Variants in SCP2D1 observed in about 807,000 individuals in gnomAD.
SCP2D1 encodes SCP2 sterol-binding domain-containing protein 1.
Under a neutral mutation model 9.2 loss-of-function variants are expected in SCP2D1, and 8 were observed. The ratio of observed to expected loss-of-function variants is 0.87; its 90% confidence interval spans 0.51 to 1.57. The LOEUF (loss-of-function observed/expected upper bound fraction) is 1.57, where lower values mean the gene tolerates loss of function less well. SCP2D1 is among the 40% of genes most tolerant of loss of function. SCP2D1 has a pLI of 0.00. For synonymous variants in SCP2D1, 68 were observed against 70.2 expected (o/e 0.97, Z 0.16); for missense variants, 199 against 186.9 (o/e 1.06, Z -0.38).
Position 18,814,212 on chromosome 20 carries a change from A to G in SCP2D1, c.397A>G (p.Lys133Glu). The G allele has an allele frequency of 1.2e-6, 2 of 1,614,146 alleles. No individual in the cohort carries two copies. The highest frequency in any genetic ancestry group is 1.7e-6 in the Non-Finnish European group (2 of 1,180,022). ...CCCGCAGAAGGCTTTCCTTGCCGGA[A>G]AGTTCAAAGTGAGTGGCAAGGTTCT... ...MNPQKAFLAGKFKVSGKVLLS... is the reference protein window; with the variant it reads ...MNPQKAFLAGEFKVSGKVLLS... The change falls in exon 1 of 1, where the codon AAG becomes GAG. Residue 133 changes from lysine (K) to glutamate (E), a missense_variant. Transcript: ENST00000377428.
Position 18,813,795 on chromosome 20 carries a change from C to T in SCP2D1, c.-21C>T. 6.3e-7 allele frequency: 1 copy of T among 1,591,434 alleles called. No individual in the cohort carries two copies. Among genetic ancestry groups the T allele is most frequent in the Middle Eastern group, 2.3e-4 (1 of 4,410 alleles). On this transcript the variant is annotated 5_prime_UTR_variant, in exon 1 of 1. Transcript: ENST00000377428. ...CTGCTCACAGACTAGATGGCAAGGT[C>T]CAGGGGACTAGCACAGGAAGATGTG...
Position 18,814,288 on chromosome 20 carries a change from C to T in SCP2D1, c.*2C>T. On this transcript the variant is annotated 3_prime_UTR_variant, in exon 1 of 1. Transcript: ENST00000377428. ...TTCAAAGACTGGGCTAAATTTTAAG[C>T]ATGCAAAAATACCAAGGAAGAACTT... 7 of 1,598,816 alleles carry T rather than the reference C, an allele frequency of 4.4e-6. No individual in the cohort carries two copies. Among genetic ancestry groups the T allele is most frequent in the Non-Finnish European group, 6.0e-6 (7 of 1,169,184 alleles).
In SCP2D1 at chr20:18,814,030, T is replaced by A; in HGVS notation, c.215T>A (p.Leu72Gln). Residue 72 changes from leucine (L) to glutamine (Q), a missense_variant, in exon 1 of 1, where the codon CTG (leucine) becomes CAG (glutamine). Coordinates refer to ENST00000377428, the MANE Select transcript of SCP2D1 (RefSeq NM_178483.3). Reference sequence around the variant, plus strand: ...AAGAAAGTCAATGCCGTCTTTCAGCTGGACATCACCAAAAATGGGAAGACC... The same window carrying A: ...AAGAAAGTCAATGCCGTCTTTCAGCAGGACATCACCAAAAATGGGAAGACC... Reference protein sequence around the residue: ...LVKKVNAVFQLDITKNGKTIL... With the variant: ...LVKKVNAVFQQDITKNGKTIL... 1.9e-6 allele frequency: 3 copies of A among 1,614,234 alleles called. No individual in the cohort carries two copies. Among genetic ancestry groups the A allele is most frequent in the Non-Finnish European group, 2.5e-6 (3 of 1,180,048 alleles).
chr20:18,814,323 G>A lies in SCP2D1; in HGVS notation c.*37G>A. ...TACCAAGGAAGAACTTCTCTTCGATGATAATGTCGAGTGGAAATCATGCTT... is the reference window on the plus strand; with the variant it reads ...TACCAAGGAAGAACTTCTCTTCGATAATAATGTCGAGTGGAAATCATGCTT... On this transcript the variant is annotated 3_prime_UTR_variant, in exon 1 of 1. Transcript: ENST00000377428. 6.9e-7 allele frequency: 1 copy of A among 1,450,692 alleles called. No individual in the cohort carries two copies. Among genetic ancestry groups the A allele is most frequent in the Non-Finnish European group, 9.5e-7 (1 of 1,047,700 alleles). 89.9% of individuals were successfully genotyped at this position (1,450,692 alleles called of 1,614,324 possible).
rs2061500331 is a variant in SCP2D1 at position 18,814,244 on chromosome 20, CT to C, written c.430del (p.Trp144GlyfsTer35). On this transcript the variant is annotated frameshift_variant, in exon 1 of 1. Transcript: ENST00000377428. LOFTEE classifies it high-confidence loss of function. Reference sequence around the variant, plus strand: ...AAGTGAGTGGCAAGGTTCTGCTTAGCTGGAAGCTGGAAAGGGTTTTCAAAGA... The same window carrying C: ...AAGTGAGTGGCAAGGTTCTGCTTAGCGGAAGCTGGAAAGGGTTTTCAAAGA... ...FKVSGKVLLS[W>X]KLERVFKDWA... The C allele has an allele frequency of 1.2e-6, 2 of 1,613,840 alleles. No homozygotes were observed. Among genetic ancestry groups the C allele is most frequent in the African/African-American group, 2.7e-5 (2 of 74,912 alleles).
rs1170738611 is a variant in SCP2D1 at position 18,813,937 on chromosome 20, A to G, written c.122A>G (p.Glu41Gly). The change falls in exon 1 of 1, where the codon GAA becomes GGA. Residue 41 changes from glutamate (E) to glycine (G), a missense_variant. Coordinates refer to ENST00000377428, the MANE Select transcript of SCP2D1 (RefSeq NM_178483.3). Reference sequence around the variant, plus strand: ...ATGCCACATCCTCTAGAGCTGTCAGAATTTGAGAGCTTCCCAGTGTTTCAG... The same window carrying G: ...ATGCCACATCCTCTAGAGCTGTCAGGATTTGAGAGCTTCCCAGTGTTTCAG... The part of the protein sequence containing the change: ...PAMPHPLELS[E>G]FESFPVFQDI... 1.2e-6 allele frequency: 2 copies of G among 1,614,028 alleles called. No individual in the cohort carries two copies. Among genetic ancestry groups the G allele is most frequent in the East Asian group, 4.5e-5 (2 of 44,892 alleles).
chr20:18,814,229 C>A lies in SCP2D1; in HGVS notation c.414C>A (p.Gly138=). The A allele has an allele frequency of 6.2e-7, 1 of 1,614,064 alleles. No homozygotes were observed. The highest frequency in any genetic ancestry group is 8.5e-7 in the Non-Finnish European group (1 of 1,179,998). Residue 138 remains glycine (G), a synonymous_variant, in exon 1 of 1, where the codon GGC becomes GGA. Coordinates refer to ENST00000377428, the MANE Select transcript of SCP2D1 (RefSeq NM_178483.3). ...TTGCCGGAAAGTTCAAAGTGAGTGG[C>A]AAGGTTCTGCTTAGCTGGAAGCTGG... ...AFLAGKFKVS[G]KVLLSWKLER...
chr20:18,813,943 A>G lies in SCP2D1; in HGVS notation c.128A>G (p.Glu43Gly), dbSNP rs778688716. 6.2e-7 allele frequency: 1 copy of G among 1,614,204 alleles called. No individual in the cohort carries two copies. Among genetic ancestry groups the G allele is most frequent in the South Asian group, 1.1e-5 (1 of 91,084 alleles). ...MPHPLELSEF[E>G]SFPVFQDIRL... ...CATCCTCTAGAGCTGTCAGAATTTG[A>G]GAGCTTCCCAGTGTTTCAGGACATT... Residue 43 changes from glutamate (E) to glycine (G), a missense_variant, in exon 1 of 1, where the codon GAG (glutamate) becomes GGG (glycine). Coordinates refer to ENST00000377428, the MANE Select transcript of SCP2D1 (RefSeq NM_178483.3).
Position 18,814,368 on chromosome 20 carries a change from A to G in SCP2D1, c.*82A>G. ...ATGCTTAATCTGAAGATTAAAGTAA[A>G]AAGTATCCAATATTTTTACTCAAAT... On this transcript the variant is annotated 3_prime_UTR_variant, in exon 1 of 1. Coordinates refer to ENST00000377428, the MANE Select transcript of SCP2D1 (RefSeq NM_178483.3). The G allele has an allele frequency of 9.0e-7, 1 of 1,110,714 alleles. No homozygotes were observed. The highest frequency in any genetic ancestry group is 1.6e-5 in the South Asian group (1 of 63,460). The allele number at this position is 1,110,714 out of a possible 1,614,324, so 68.8% of individuals were successfully genotyped here. A position where few individuals can be genotyped will look rare whatever the true frequency, so the allele number is the denominator to read the frequency against.
chr20:18,813,810 A>C lies in SCP2D1; in HGVS notation c.-6A>C. The C allele has an allele frequency of 1.2e-6, 2 of 1,607,604 alleles. No homozygotes were observed. On this transcript the variant is annotated 5_prime_UTR_variant, in exon 1 of 1. Transcript: ENST00000377428. ...ATGGCAAGGTCCAGGGGACTAGCAC[A>C]GGAAGATGTGGAAGAGAAGTGACCA...
Position 18,814,178 on chromosome 20 carries a change from C to T in SCP2D1, c.363C>T (p.Gly121=). ...PESVFMELVL[G]KMNPQKAFLA... The stretch of plus-strand genomic sequence containing the variant: ...CTGTCTTTATGGAGCTGGTTTTGGG[C>T]AAAATGAACCCGCAGAAGGCTTTCC... Residue 121 remains glycine (G), a synonymous_variant, in exon 1 of 1, where the codon GGC becomes GGT. Transcript: ENST00000377428. The T allele has an allele frequency of 6.2e-7, 1 of 1,614,084 alleles. No individual in the cohort carries two copies. Among genetic ancestry groups the T allele is most frequent in the Non-Finnish European group, 8.5e-7 (1 of 1,180,022 alleles).
Position 18,814,350 on chromosome 20 carries a change from A to C in SCP2D1, c.*64A>C. 1 of 1,251,784 alleles carries C rather than the reference A, an allele frequency of 8.0e-7. No homozygotes were observed. The highest frequency in any genetic ancestry group is 1.4e-5 in the South Asian group (1 of 70,934). 77.5% of individuals were successfully genotyped at this position (1,251,784 alleles called of 1,614,324 possible). On this transcript the variant is annotated 3_prime_UTR_variant, in exon 1 of 1. Transcript: ENST00000377428. Reference sequence around the variant, plus strand: ...TAATGTCGAGTGGAAATCATGCTTAATCTGAAGATTAAAGTAAAAAGTATC... The same window carrying C: ...TAATGTCGAGTGGAAATCATGCTTACTCTGAAGATTAAAGTAAAAAGTATC...
Position 18,814,005 on chromosome 20 carries a change from A to C in SCP2D1, c.190A>C (p.Lys64Gln). The change falls in exon 1 of 1, where the codon AAG becomes CAG. Residue 64 changes from lysine to glutamine, a missense_variant. By Grantham distance (53) the Lys-to-Gln change is moderately conservative (BLOSUM62 1). Transcript: ENST00000377428. ...HIREVGAQLV[K>Q]KVNAVFQLDI... ...CAGGGAAGTGGGAGCTCAATTGGTC[A>C]AGAAAGTCAATGCCGTCTTTCAGCT... 3 of 1,614,226 alleles carry C rather than the reference A, an allele frequency of 1.9e-6. No individual in the cohort carries two copies. Among genetic ancestry groups the C allele is most frequent in the Non-Finnish European group, 2.5e-6 (3 of 1,180,042 alleles).
Position 18,814,009 on chromosome 20 carries a change from A to T in SCP2D1, c.194A>T (p.Lys65Ile). 3 of 1,614,206 alleles carry T rather than the reference A, an allele frequency of 1.9e-6. No homozygotes were observed. Among genetic ancestry groups the T allele is most frequent in the Non-Finnish European group, 1.7e-6 (2 of 1,180,040 alleles). Residue 65 changes from lysine to isoleucine, a missense_variant, in exon 1 of 1, where the codon AAA becomes ATA. By Grantham distance (102) the Lys-to-Ile change is moderately radical. Coordinates refer to ENST00000377428, the MANE Select transcript of SCP2D1 (RefSeq NM_178483.3). ...IREVGAQLVK[K>I]VNAVFQLDIT... ...GAAGTGGGAGCTCAATTGGTCAAGA[A>T]AGTCAATGCCGTCTTTCAGCTGGAC...
chr20:18,813,884 G>T lies in SCP2D1; in HGVS notation c.69G>T (p.Glu23Asp), dbSNP rs1275508609. Reference protein sequence around the residue: ...AEDGPLVGQFEVLGSVPEPAM... With the variant: ...AEDGPLVGQFDVLGSVPEPAM... ...ATGGACCTCTGGTGGGCCAGTTCGA[G>T]GTTCTGGGTTCAGTTCCAGAACCTG... Residue 23 changes from glutamate to aspartate, a missense_variant, in exon 1 of 1, where the codon GAG becomes GAT. Physicochemically the swap from Glu to Asp is conservative, Grantham distance 45 (BLOSUM62 2). Transcript: ENST00000377428. 2 of 1,613,760 alleles carry T rather than the reference G, an allele frequency of 1.2e-6. No homozygotes were observed. The highest frequency in any genetic ancestry group is 2.2e-5 in the South Asian group (2 of 91,080).
Position 18,814,153 on chromosome 20 carries a change from C to G in SCP2D1, c.338C>G (p.Ser113Cys). The change falls in exon 1 of 1, where the codon TCT (serine) becomes TGT (cysteine). Residue 113 changes from serine (S) to cysteine (C), a missense_variant. Transcript: ENST00000377428. ...GACACTGTCTTTACAATCCCGGAGT[C>G]TGTCTTTATGGAGCTGGTTTTGGGC... ...PADTVFTIPE[S>C]VFMELVLGKM... 6.2e-7 allele frequency: 1 copy of G among 1,614,180 alleles called. No homozygotes were observed. The highest frequency in any genetic ancestry group is 8.5e-7 in the Non-Finnish European group (1 of 1,180,038).
rs1454576815 is a variant in SCP2D1 at position 18,814,134 on chromosome 20, G to C, written c.319G>C (p.Val107Leu). Residue 107 changes from valine (V) to leucine (L), a missense_variant, in exon 1 of 1, where the codon GTC becomes CTC. Physicochemically the swap from Val to Leu is conservative, Grantham distance 32 (BLOSUM62 1). Transcript: ENST00000377428. ...ACCTGCCAGGCTCCCAGCAGACACT[G>C]TCTTTACAATCCCGGAGTCTGTCTT... Reference protein sequence around the residue: ...PGPARLPADTVFTIPESVFME... With the variant: ...PGPARLPADTLFTIPESVFME... 13 of 1,614,064 alleles carry C rather than the reference G, an allele frequency of 8.1e-6. No individual in the cohort carries two copies. The highest frequency in any genetic ancestry group is 1.1e-5 in the Non-Finnish European group (13 of 1,180,028).
chr20:18,814,174 T>G lies in SCP2D1; in HGVS notation c.359T>G (p.Leu120Trp), dbSNP rs900771606. 1.2e-6 allele frequency: 2 copies of G among 1,614,202 alleles called. No individual in the cohort carries two copies. The highest frequency in any genetic ancestry group is 1.3e-5 in the African/African-American group (1 of 75,042). The change falls in exon 1 of 1, where the codon TTG (leucine) becomes TGG (tryptophan). Residue 120 changes from leucine to tryptophan, a missense_variant. Leu to Trp is a moderately conservative substitution (Grantham distance 61). Coordinates refer to ENST00000377428, the MANE Select transcript of SCP2D1 (RefSeq NM_178483.3). The stretch of plus-strand genomic sequence containing the variant: ...GAGTCTGTCTTTATGGAGCTGGTTT[T>G]GGGCAAAATGAACCCGCAGAAGGCT... ...IPESVFMELV[L>W]GKMNPQKAFL...
chr20:18,813,975 C>T lies in SCP2D1; in HGVS notation c.160C>T (p.His54Tyr). 6.2e-7 allele frequency: 1 copy of T among 1,614,194 alleles called. No homozygotes were observed. Among genetic ancestry groups the T allele is most frequent in the Non-Finnish European group, 8.5e-7 (1 of 1,180,036 alleles). The part of the protein sequence containing the change: ...SFPVFQDIRL[H>Y]IREVGAQLVK... ...CCCAGTGTTTCAGGACATTAGGCTT[C>T]ACATCAGGGAAGTGGGAGCTCAATT... The change falls in exon 1 of 1, where the codon CAC becomes TAC. Residue 54 changes from histidine to tyrosine, a missense_variant. His to Tyr is a moderately conservative substitution (Grantham distance 83). Transcript: ENST00000377428.
Sources: gnomAD v4.1 joint callset for allele counts on GRCh38, gnomAD v4.1.1 for gene constraint, MANE v1.5 for transcripts, NCBI Gene and HGNC (gene_info 2026-07-23, HGNC 2026-07-21) for gene names.